The following SOBP variants were observed in gnomAD, a reference collection of about 807,000 sequenced individuals.
The protein encoded by SOBP is sine oculis binding protein homolog.
Under a neutral mutation model 53.6 loss-of-function variants are expected in SOBP, and 4 were observed. That is an observed-to-expected ratio of 0.07 (90% confidence interval 0.04 to 0.17). The LOEUF (loss-of-function observed/expected upper bound fraction) is 0.17, where lower values mean the gene tolerates loss of function less well. Ranked by LOEUF, SOBP falls within the 10% of genes least tolerant of loss-of-function variation. SOBP has a pLI of 1.00. For synonymous variants in SOBP, 584 were observed against 522.6 expected (o/e 1.12, Z -1.60); for missense variants, 1,088 against 1,204.7 (o/e 0.90, Z 1.43).
intron 6 of SOBP, among the ~76,000 whole-genome samples, chr6:107,647,891 G>A (rs561075473): frequency 1.3e-5 from 2 of 152,190 alleles, no homozygotes; most frequent in Non-Finnish European, 2.9e-5. Flanking sequence ...CTAGGGTTGA[G>A]AGGTTAAAGG....
At chr6:107,646,243 T>C (rs183537234) in intron 6 of SOBP, among the ~76,000 whole-genome samples, 42 of 152,366 alleles carry the variant, frequency 2.8e-4, no homozygotes, top group Admixed American at 2.5e-3. Flanking sequence ...TGGAAAGCCA[T>C]TGTCTCTGGA....
chr6:107,532,462 A>C (rs1388670052), intron 3 of SOBP, among the ~76,000 whole-genome samples: 2 of 151,980 alleles, frequency 1.3e-5, no homozygotes, highest in Non-Finnish European at 2.9e-5. Context: ...AATGTTTGTC[A>C]TAACTTCTGA....
rs965304495 is a variant in SOBP, at chr6:107,577,605, A to G, written c.574-9475A>G. On this transcript the variant is annotated intron_variant, in intron 4 of 6. Coordinates refer to ENST00000317357, the MANE Select transcript of SOBP (RefSeq NM_018013.4). ...TTGTAGTCTGTACAGCATCACCTAC[A>G]GGATTAATAAAAAATTGTATCATAA... Among the ~76,000 whole-genome samples, 8 of 152,348 alleles carry G rather than the reference A, an allele frequency of 5.3e-5. No individual in the cohort carries two copies. In the East Asian group the frequency reaches 1.5e-3, roughly 29 times the overall value.
intron 5 of SOBP, among the ~76,000 whole-genome samples, chr6:107,605,171 C>T (rs975672844): frequency 1.3e-5 from 2 of 152,186 alleles, no homozygotes; most frequent in Non-Finnish European, 2.9e-5. Flanking sequence ...GGATACATTT[C>T]GCCTTTGTTC....
At chr6:107,606,139 C>T (rs932694920) in intron 5 of SOBP, among the ~76,000 whole-genome samples, 6 of 131,838 alleles carry the variant, frequency 4.6e-5, no homozygotes, top group Admixed American at 1.9e-4. Flanking sequence ...TGTAGTAGCG[C>T]GATCTCGGCT....
intron 6 of SOBP, among the ~76,000 whole-genome samples, chr6:107,640,915 A>G (rs752215196): frequency 5.3e-5 from 8 of 152,166 alleles, no homozygotes; most frequent in African/African-American, 7.2e-5. Context: ...CTCCAGATCC[A>G]TATGGCAGCT....
rs2114264431 is a variant in SOBP, at chr6:107,660,838, CTG to C, written c.*2636_*2637del. Among the ~76,000 whole-genome samples, 1 of 152,324 alleles carries C rather than the reference CTG, an allele frequency of 6.6e-6. No homozygotes were observed. The highest frequency in any genetic ancestry group is 1.9e-4 in the East Asian group (1 of 5,184). On this transcript the variant is annotated 3_prime_UTR_variant, in exon 7 of 7. Coordinates refer to ENST00000317357, the MANE Select transcript of SOBP (RefSeq NM_018013.4). ...CAAAAAAATGAATGTTCATTAAAAT[CTG>C]AGGCACCACGAGCAGCTCCCTTGAA...
intron 6 of SOBP, among the ~76,000 whole-genome samples, chr6:107,653,487 C>T (rs1235817351): frequency 1.3e-5 from 2 of 152,134 alleles, no homozygotes. Context: ...CTGGTAGGGC[C>T]TGGGTAATTG....
At chr6:107,652,460 T>C (rs1217207825) in intron 6 of SOBP, among the ~76,000 whole-genome samples, 7 of 152,024 alleles carry the variant, frequency 4.6e-5, no homozygotes, top group Non-Finnish European at 8.8e-5. Context: ...AGATGAGGAG[T>C]TGCTTCTTAA....
Position 107,634,971 on chromosome 6 carries a change from C to A in SOBP, c.2127C>A (p.Gly709=). 9.8e-7 allele frequency: 1 copy of A among 1,017,640 alleles called. No individual in the cohort carries two copies. The highest frequency in any genetic ancestry group is 9.9e-5 in the East Asian group (1 of 10,090). The allele number at this position is 1,017,640 out of a possible 1,614,324, so 63.0% of individuals were successfully genotyped here. The change falls in exon 6 of 7, where the codon GGC becomes GGA. Residue 709 remains glycine (G), a synonymous_variant. Coordinates refer to ENST00000317357, the MANE Select transcript of SOBP (RefSeq NM_018013.4). This position sits in a 1 kb window ranked among gnomAD's most constrained non-coding sequence, Gnocchi z 4.5. ...SPPAAGDPGP[G]APAGPEAAAA... Reference sequence around the variant, plus strand: ...CCGCCGCCGGCGACCCAGGCCCGGGCGCCCCGGCGGGCCCCGAGGCGGCCG... The same window carrying A: ...CCGCCGCCGGCGACCCAGGCCCGGGAGCCCCGGCGGGCCCCGAGGCGGCCG...
chr6:107,546,569 G>A (rs1057209614), intron 4 of SOBP, among the ~76,000 whole-genome samples: 1 of 152,164 alleles, frequency 6.6e-6, no homozygotes, highest in African/African-American at 2.4e-5. Flanking sequence ...GCTGGCGCCT[G>A]CACTCATGTG....
At chr6:107,519,378 C>T (rs1353550413) in intron 3 of SOBP, among the ~76,000 whole-genome samples, 1 of 152,006 alleles carries the variant, frequency 6.6e-6, no homozygotes, top group African/African-American at 2.4e-5. Context: ...AAACCAGGCT[C>T]CACAGTGATG....
chr6:107,654,712 C>A (rs201956242), intron 6 of SOBP, among the ~76,000 whole-genome samples: 7 of 81,940 alleles, frequency 8.5e-5, no homozygotes, highest in Admixed American at 3.5e-4. Flanking sequence ...GGCTGAGGAA[C>A]ACAGTGGAAG....
chr6:107,639,122 C>T (rs1287503874), intron 6 of SOBP, among the ~76,000 whole-genome samples: 1 of 152,110 alleles, frequency 6.6e-6, no homozygotes, highest in Non-Finnish European at 1.5e-5. Flanking sequence ...AGGCTGGTCT[C>T]AAACTCCTGA....
At chr6:107,595,963 A>C (rs1420475413) in intron 5 of SOBP, among the ~76,000 whole-genome samples, 1 of 152,174 alleles carries the variant, frequency 6.6e-6, no homozygotes, top group Non-Finnish European at 1.5e-5. Context: ...ATTTTCCCTA[A>C]TTGTATTTTT....
intron 3 of SOBP, among the ~76,000 whole-genome samples, chr6:107,530,487 C>T (rs1345620659): frequency 1.3e-5 from 2 of 151,746 alleles, no homozygotes; most frequent in Admixed American, 1.3e-4. Flanking sequence ...GTTTGGCTGA[C>T]AATATTAATT....
intron 3 of SOBP, among the ~76,000 whole-genome samples, chr6:107,527,454 G>T (rs778797124): frequency 6.6e-5 from 10 of 152,180 alleles, no homozygotes; most frequent in Admixed American, 6.5e-4. Flanking sequence ...CCACAGGAGG[G>T]GATGTGATTG....
chr6:107,506,625 G>T (rs932355986), intron 3 of SOBP, among the ~76,000 whole-genome samples, 198 bp downstream of exon 3: 3 of 152,018 alleles, frequency 2.0e-5, no homozygotes, highest in African/African-American at 7.2e-5. Context: ...TACTACTTAG[G>T]CTATAAACTT....
chr6:107,595,590 C>A (rs968302006), intron 5 of SOBP, among the ~76,000 whole-genome samples: 1 of 151,998 alleles, frequency 6.6e-6, no homozygotes, highest in Admixed American at 6.6e-5. Context: ...GGAAACTATA[C>A]ATCATATATC....
Sources: gnomAD v4.1 joint callset for allele counts (sites outside exome capture counted in the v4.1 genomes callset) on GRCh38, gnomAD v4.1.1 for gene constraint, Gnocchi (gnomAD v3.1) non-coding constraint, MANE v1.5 for transcripts, NCBI Gene and HGNC (gene_info 2026-07-23, HGNC 2026-07-21) for gene names.